AGAP3: variants seen among roughly 807,000 people sequenced by gnomAD.
The protein encoded by AGAP3 is ArfGAP with GTPase domain, ankyrin repeat and PH domain 3.
A neutral mutation model predicts 96.9 loss-of-function variants in AGAP3; 24 were observed. That is an observed-to-expected ratio of 0.25 (90% CI 0.18 to 0.35). The LOEUF (loss-of-function observed/expected upper bound fraction) is 0.35, where lower values mean the gene tolerates loss of function less well. AGAP3 is among the 10% of genes least tolerant of loss of function. AGAP3 has a pLI of 1.00. For missense variants in AGAP3, 876 were observed against 1,254.2 expected (o/e 0.70, Z 4.55); for synonymous variants, 563 against 536.1 (o/e 1.05, Z -0.69).
rs971275409 is a variant in AGAP3, at chr7:151,133,580, G to C, written c.1327-820G>C. On this transcript the variant is annotated intron_variant, in intron 10 of 17. Coordinates refer to ENST00000397238, the MANE Select transcript of AGAP3 (RefSeq NM_031946.7). The surrounding 1 kb of genome is among the most constrained non-coding windows in gnomAD (Gnocchi z 5.4). ...GAGGAAGCCTGCACACAGGGCACAG[G>C]CTTGGGAATCTGAAAAACCTTGGCT... Among the ~76,000 whole-genome samples the C allele has an allele frequency of 6.6e-6, 1 of 152,188 alleles. No individual in the cohort carries two copies. Among genetic ancestry groups the C allele is most frequent in the African/African-American group, 2.4e-5 (1 of 41,440 alleles).
At chr7:151,123,210 C>T in intron 8 of AGAP3, 1 of 1,079,942 alleles carries the variant, frequency 9.3e-7, no homozygotes, top group Non-Finnish European at 1.1e-6. Flanking sequence ...GCCGCCGCCG[C>T]GCTTGCCTTG....
chr7:151,129,458 C>G (rs7776766), intron 10 of AGAP3, among the ~76,000 whole-genome samples: 63,220 of 151,976 alleles, frequency 0.42, 13,477 homozygotes, highest in African/African-American at 0.5. Context: ...GGCCCGAGAG[C>G]ACCGCCCAGA....
At chr7:151,086,221 G>A (rs544029240), upstream of AGAP3, among the ~76,000 whole-genome samples, 375 of 152,188 alleles carry the variant, frequency 2.5e-3, 1 homozygote, top group Middle Eastern at 0.014. Flanking sequence ...AATGCGGGTG[G>A]GGGCTGGTGA....
In AGAP3 at chr7:151,140,193, CTATT is replaced by C; in HGVS notation, c.1804+79_1804+82del. ...GGGGATAGTACCCTAAAAGTAACAC[CTATT>C]TTTTATTTTTTGTATTCAGTGGATT... On this transcript the variant is annotated intron_variant, in intron 13 of 17. Transcript: ENST00000397238. The surrounding 1 kb of genome is among the most constrained non-coding windows in gnomAD (Gnocchi z 5.4). 1 of 1,333,308 alleles carries C rather than the reference CTATT, an allele frequency of 7.5e-7. No individual in the cohort carries two copies. The highest frequency in any genetic ancestry group is 9.7e-7 in the Non-Finnish European group (1 of 1,034,544). 82.6% of individuals were successfully genotyped at this position (1,333,308 alleles called of 1,614,324 possible). A position where few individuals can be genotyped will look rare whatever the true frequency, so the allele number is the denominator to read the frequency against.
chr7:151,125,901 G>A (rs1164560582), intron 9 of AGAP3, among the ~76,000 whole-genome samples: 1 of 152,254 alleles, frequency 6.6e-6, no homozygotes, highest in Non-Finnish European at 1.5e-5. Context: ...CCTCTGCGCC[G>A]TTCCCATTCC....
chr7:151,097,654 A>G (rs1798663170), intron 1 of AGAP3, among the ~76,000 whole-genome samples: 1 of 152,084 alleles, frequency 6.6e-6, no homozygotes, highest in Admixed American at 6.5e-5. Context: ...GCAGAAAGCA[A>G]AGCAGGAATA....
intron 1 of AGAP3, among the ~76,000 whole-genome samples, chr7:151,105,402 A>G (rs1358496392): frequency 1.3e-5 from 2 of 152,138 alleles, no homozygotes; most frequent in East Asian, 1.9e-4. Flanking sequence ...ATTTTCTTGC[A>G]TTTTTTATAC....
chr7:151,125,954 C>G (rs888424990), intron 9 of AGAP3, among the ~76,000 whole-genome samples: 1 of 151,242 alleles, frequency 6.6e-6, no homozygotes, highest in Non-Finnish European at 1.5e-5. Flanking sequence ...GCCGGCCGGC[C>G]GGGGAGGGAG....
rs1391318889 is a variant in AGAP3 at position 151,096,577 on chromosome 7, A to G, written c.331+9505A>G. 6.7e-6 allele frequency among the ~76,000 whole-genome samples: 1 copy of G among 150,212 alleles called. No homozygotes were observed. Among genetic ancestry groups the G allele is most frequent in the Non-Finnish European group, 1.5e-5 (1 of 67,728 alleles). On this transcript the variant is annotated intron_variant, in intron 1 of 17. Coordinates refer to ENST00000397238, the MANE Select transcript of AGAP3 (RefSeq NM_031946.7). The surrounding 1 kb of genome is among the most constrained non-coding windows in gnomAD (Gnocchi z 4.4). Reference sequence around the variant, plus strand: ...AACCTCTGCCTCCCAGGTTCACGCCATTCTCCTGCCACAGCCTCCCGAGTA... The same window carrying G: ...AACCTCTGCCTCCCAGGTTCACGCCGTTCTCCTGCCACAGCCTCCCGAGTA...
At chr7:151,102,867 C>T (rs886089252) in intron 1 of AGAP3, among the ~76,000 whole-genome samples, 7 of 152,170 alleles carry the variant, frequency 4.6e-5, no homozygotes, top group African/African-American at 1.4e-4. Context: ...CTCCCTCGGC[C>T]TCCCAAAGTG....
chr7:151,140,235 G>A lies in AGAP3; in HGVS notation c.1804+119G>A. 8.5e-7 allele frequency: 1 copy of A among 1,181,726 alleles called. No individual in the cohort carries two copies. 73.2% of individuals were successfully genotyped at this position (1,181,726 alleles called of 1,614,324 possible). On this transcript the variant is annotated intron_variant, in intron 13 of 17. Coordinates refer to ENST00000397238, the MANE Select transcript of AGAP3 (RefSeq NM_031946.7). This position sits in a 1 kb window ranked among gnomAD's most constrained non-coding sequence, Gnocchi z 5.4. Reference sequence around the variant, plus strand: ...TATTCAGTGGATTAAGCACTTTCTAGTAGTTGCTAATCAAAGTAGTTCTAC... The same window carrying A: ...TATTCAGTGGATTAAGCACTTTCTAATAGTTGCTAATCAAAGTAGTTCTAC...
At chr7:151,111,353 G>A (rs959992245) in intron 1 of AGAP3, among the ~76,000 whole-genome samples, 2 of 152,196 alleles carry the variant, frequency 1.3e-5, no homozygotes, top group Admixed American at 6.5e-5. Context: ...CCGGCTTTCA[G>A]GAGAAGGCTT....
chr7:151,094,792 G>A (rs1274672325), intron 1 of AGAP3, among the ~76,000 whole-genome samples: 1 of 149,678 alleles, frequency 6.7e-6, no homozygotes, highest in Non-Finnish European at 1.5e-5. Context: ...GGCATTTCAG[G>A]TGTGAGCCAC....
chr7:151,129,306 T>C (rs1205475402), intron 10 of AGAP3, among the ~76,000 whole-genome samples: 2 of 151,988 alleles, frequency 1.3e-5, no homozygotes, highest in Non-Finnish European at 2.9e-5. Flanking sequence ...TGAGTTCTCC[T>C]GTGAAGCCCC....
At chr7:151,089,243 A>G (rs1353672839) in intron 1 of AGAP3, among the ~76,000 whole-genome samples, 2 of 151,962 alleles carry the variant, frequency 1.3e-5, no homozygotes, top group African/African-American at 4.8e-5. Flanking sequence ...GCCAAACCAT[A>G]TTGCTTCTGT....
chr7:151,117,540 T>C, intron 4 of AGAP3, 84 bp downstream of exon 4: 9 of 1,612,460 alleles, frequency 5.6e-6, no homozygotes, highest in Non-Finnish European at 7.6e-6. Context: ...GGAGAGGTGG[T>C]ATGTCCAGGG....
intron 1 of AGAP3, among the ~76,000 whole-genome samples, chr7:151,111,687 C>T (rs989027747): frequency 1.3e-5 from 2 of 152,152 alleles, no homozygotes; most frequent in Non-Finnish European, 2.9e-5. Flanking sequence ...AGGTAGTCCA[C>T]AGAAGGGGGT....
rs929609296 is a variant in AGAP3 at position 151,141,189 on chromosome 7, T to G, written c.1805-709T>G. 1 of 152,524 alleles carries G rather than the reference T, an allele frequency of 6.6e-6. No homozygotes were observed. The highest frequency in any genetic ancestry group is 2.4e-5 in the African/African-American group (1 of 41,434). 9.4% of individuals were successfully genotyped at this position (152,524 alleles called of 1,614,324 possible). ...GGGGCAGTGACCATTGGGAATGAGA[T>G]TCATGCGGCTGTCTTCTGGGGCCTG... On this transcript the variant is annotated intron_variant, in intron 13 of 17. Coordinates refer to ENST00000397238, the MANE Select transcript of AGAP3 (RefSeq NM_031946.7). This position sits in a 1 kb window ranked among gnomAD's most constrained non-coding sequence, Gnocchi z 4.2.
chr7:151,129,666 C>T (rs778283216), intron 10 of AGAP3, among the ~76,000 whole-genome samples: 2 of 152,190 alleles, frequency 1.3e-5, no homozygotes, highest in Non-Finnish European at 2.9e-5. Context: ...ACATTCAGTG[C>T]AGCCAGCTCC....
Sources: allele counts gnomAD v4.1 joint callset (sites outside exome capture counted in the v4.1 genomes callset), GRCh38; gene constraint gnomAD v4.1.1; non-coding constraint Gnocchi (gnomAD v3.1); transcripts MANE v1.5; gene names NCBI Gene and HGNC (gene_info 2026-07-23, HGNC 2026-07-21).